The following ITGAM variants were observed in gnomAD, a reference collection of about 807,000 sequenced individuals.
ITGAM encodes the protein integrin subunit alpha M.
Under a neutral mutation model 137.5 loss-of-function variants are expected in ITGAM, and 79 were observed. That is an observed-to-expected ratio of 0.57 (90% confidence interval 0.48 to 0.69). ITGAM has a LOEUF of 0.69. Among genes scored for constraint, ITGAM ranks in the 30% least tolerant of loss-of-function variants. The pLI, the probability that ITGAM is intolerant of heterozygous loss-of-function variation, is 0.00. For synonymous variants in ITGAM, 583 were observed against 592.3 expected, an observed-to-expected ratio of 0.98 and a Z score of 0.23; for missense variants, 1,343 against 1,483.5, an observed-to-expected ratio of 0.91 and a Z score of 1.56.
Position 31,304,089 on chromosome 16 carries a change from A to T in ITGAM, c.1707+6135A>T, listed in dbSNP as rs566121150. Among the ~76,000 whole-genome samples the T allele has an allele frequency of 1.3e-4, 20 of 152,230 alleles. No individual in the cohort carries two copies. The South Asian group carries it at 4.1e-3, about 32-fold the overall frequency. ...AATTTACATTCCCACCAGCAGTGTA[A>T]AAGTGTCCCCTTTTCATCACATCCA... On this transcript the variant is annotated intron_variant, in intron 14 of 29. Coordinates refer to ENST00000544665, the MANE Select transcript of ITGAM (RefSeq NM_000632.4).
chr16:31,329,773 C>A (rs1353583813), intron 24 of ITGAM, 25 bp from the exon 25 acceptor site: 1 of 1,541,566 alleles, frequency 6.5e-7, no homozygotes, highest in Non-Finnish European at 8.8e-7. Context: ...AGGCCAGAGC[C>A]CTGACCCCGC....
At chr16:31,276,768 C>T (rs371943449) in intron 10 of ITGAM, 24 bp downstream of exon 10, 835 of 1,554,230 alleles carry the variant, frequency 5.4e-4, no homozygotes, top group Non-Finnish European at 6.6e-4. Flanking sequence ...CATTAAATTG[C>T]GGGGGTGGGG....
chr16:31,266,676 C>T (rs539809499), intron 5 of ITGAM, among the ~76,000 whole-genome samples: 2 of 152,092 alleles, frequency 1.3e-5, no homozygotes, highest in East Asian at 3.9e-4. Flanking sequence ...CACCACTGTA[C>T]TCCAACCTGG....
At chr16:31,302,824 C>T (rs1486204791) in intron 14 of ITGAM, among the ~76,000 whole-genome samples, 1 of 151,648 alleles carries the variant, frequency 6.6e-6, no homozygotes, top group Non-Finnish European at 1.5e-5. Flanking sequence ...CGTGAGCCAC[C>T]GCGCCCAGCT....
At chr16:31,300,282 C>T (rs2080184845) in intron 14 of ITGAM, among the ~76,000 whole-genome samples, 1 of 152,128 alleles carries the variant, frequency 6.6e-6, no homozygotes, top group Non-Finnish European at 1.5e-5. Flanking sequence ...ATCCCCATTC[C>T]TCTGGTTAAA....
In ITGAM at chr16:31,265,843, C is replaced by G. The variant is rs1245238994; in HGVS notation, c.271C>G (p.Leu91Val). ...GGAGGCCGTGAACATGTCCCTGGGCCTGTCCCTGGCAGCCACCACCAGCCC... is the reference window on the plus strand; with the variant it reads ...GGAGGCCGTGAACATGTCCCTGGGCGTGTCCCTGGCAGCCACCACCAGCCC... ...PVEAVNMSLG[L>V]SLAATTSPPQ... Residue 91 changes from leucine (L) to valine (V), a missense_variant, in exon 4 of 30, where the codon CTG becomes GTG. Coordinates refer to ENST00000544665, the MANE Select transcript of ITGAM (RefSeq NM_000632.4). The G allele has an allele frequency of 6.2e-7, 1 of 1,613,894 alleles. No homozygotes were observed. Among genetic ancestry groups the G allele is most frequent in the Non-Finnish European group, 8.5e-7 (1 of 1,179,998 alleles).
chr16:31,263,947 T>C (rs2079734788), intron 2 of ITGAM, among the ~76,000 whole-genome samples: 1 of 151,792 alleles, frequency 6.6e-6, no homozygotes, highest in Non-Finnish European at 1.5e-5. Flanking sequence ...GCGATTCTCC[T>C]GCCTCAGCCT....
At chr16:31,329,967 C>T in intron 25 of ITGAM, 62 bp downstream of exon 25, 1 of 1,530,894 alleles carries the variant, frequency 6.5e-7, no homozygotes, top group Non-Finnish European at 8.9e-7. Flanking sequence ...TCTGTTAATG[C>T]TATTGGGTTT....
chr16:31,261,823 T>G (rs773760022), intron 2 of ITGAM, 26 bp downstream of exon 2: 1 of 1,444,582 alleles, frequency 6.9e-7, no homozygotes, highest in South Asian at 1.2e-5. Context: ...GGAGCCCCCT[T>G]TCTCAGTGCT....
intron 10 of ITGAM, 85 bp downstream of exon 10, chr16:31,276,829 C>G: frequency 2.5e-6 from 4 of 1,581,794 alleles, no homozygotes; most frequent in Non-Finnish European, 3.4e-6. Flanking sequence ...GGGGACTCTT[C>G]TCTGTGATAG....
chr16:31,311,224 G>A (rs1302992499), intron 14 of ITGAM, among the ~76,000 whole-genome samples: 1 of 152,176 alleles, frequency 6.6e-6, no homozygotes, highest in African/African-American at 2.4e-5. Context: ...ATAGGCATGG[G>A]CAAGGACTTC....
intron 5 of ITGAM, among the ~76,000 whole-genome samples, chr16:31,266,451 G>A (rs2079769368): frequency 2.0e-5 from 3 of 150,604 alleles, no homozygotes; most frequent in Admixed American, 6.6e-5. Context: ...GCTGAGTGTG[G>A]TGATGAGCAC....
At chr16:31,321,212 C>T in intron 14 of ITGAM, 29 bp from the exon 15 acceptor site, 1 of 1,612,704 alleles carries the variant, frequency 6.2e-7, no homozygotes, top group Non-Finnish European at 8.5e-7. Context: ...CTACCCCTTT[C>T]TCTCTCCACA....
In ITGAM at chr16:31,305,719, A is replaced by C. The variant is rs151133112; in HGVS notation, c.1707+7765A>C. Among the ~76,000 whole-genome samples, 228 of 152,228 alleles carry C rather than the reference A, an allele frequency of 1.5e-3. 1 individual carries two copies. Among genetic ancestry groups the C allele is most frequent in the Non-Finnish European group, 2.9e-3 (197 of 68,004 alleles). ...TGCTTGTTCTGCATCTATTGAGATGATTATATAGTTTTCTTCTTTAATTCT... is the reference window on the plus strand; with the variant it reads ...TGCTTGTTCTGCATCTATTGAGATGCTTATATAGTTTTCTTCTTTAATTCT... On this transcript the variant is annotated intron_variant, in intron 14 of 29. Coordinates refer to ENST00000544665, the MANE Select transcript of ITGAM (RefSeq NM_000632.4).
At chr16:31,287,442 G>A (rs139348164) in intron 12 of ITGAM, among the ~76,000 whole-genome samples, 130 of 152,250 alleles carry the variant, frequency 8.5e-4, no homozygotes, top group South Asian at 5.4e-3. Context: ...CATTGAATCT[G>A]CAAATTGCTT....
chr16:31,329,073 T>TGGCCCCCC, intron 23 of ITGAM, 155 bp from the exon 24 acceptor site: 1 of 426,236 alleles, frequency 2.3e-6, no homozygotes, highest in Non-Finnish European at 4.5e-6. Context: ...ACACATTGGT[T>TGGCCCCCC]CCCCCATCCC....
intron 6 of ITGAM, among the ~76,000 whole-genome samples, chr16:31,271,288 A>G (rs1200624459): frequency 1.3e-5 from 2 of 152,082 alleles, no homozygotes; most frequent in Admixed American, 1.3e-4. Flanking sequence ...GGGCAGCTCT[A>G]ATTGTTAAGG....
Position 31,331,966 on chromosome 16 carries a change from AGT to A in ITGAM, c.*267_*268del, listed in dbSNP as rs937807729. 36 of 527,646 alleles carry A rather than the reference AGT, an allele frequency of 6.8e-5. No homozygotes were observed. Among genetic ancestry groups the A allele is most frequent in the African/African-American group, 6.0e-4 (30 of 50,088 alleles). 32.7% of individuals were successfully genotyped at this position (527,646 alleles called of 1,614,324 possible). A position where few individuals can be genotyped will look rare whatever the true frequency, so the allele number is the denominator to read the frequency against. ...GTGTGCAAGTATGTGAGTGTGTCCAAGTGTGTGTGCGTGTGTCCATGTGTGTG... is the reference window on the plus strand; with the variant it reads ...GTGTGCAAGTATGTGAGTGTGTCCAAGTGTGTGCGTGTGTCCATGTGTGTG... On this transcript the variant is annotated 3_prime_UTR_variant, in exon 30 of 30. Transcript: ENST00000544665.
intron 14 of ITGAM, among the ~76,000 whole-genome samples, chr16:31,317,637 A>G (rs1385300222): frequency 1.3e-5 from 2 of 152,204 alleles, no homozygotes. Flanking sequence ...ACAGATGTTT[A>G]GTTTTATTAA....
Sources: allele counts gnomAD v4.1 joint callset (sites outside exome capture counted in the v4.1 genomes callset), GRCh38; gene constraint gnomAD v4.1.1; transcripts MANE v1.5; gene names NCBI Gene and HGNC (gene_info 2026-07-23, HGNC 2026-07-21).